WWP2: variants seen among roughly 807,000 people sequenced by gnomAD.
WWP2 encodes the protein NEDD4-like E3 ubiquitin-protein ligase WWP2.
A neutral mutation model predicts 121.0 loss-of-function variants in WWP2; 57 were observed. The observed-to-expected ratio is 0.47, with a 90% CI of 0.38 to 0.59. WWP2 has a LOEUF of 0.59. Ranked by LOEUF, WWP2 falls within the 20% of genes least tolerant of loss-of-function variation. The pLI is 0.00. For synonymous variants in WWP2, 449 were observed against 441.3 expected, an observed-to-expected ratio of 1.02 and a Z score of -0.22; for missense variants, 962 against 1,158.9, an observed-to-expected ratio of 0.83 and a Z score of 2.47.
intron 6 of WWP2, among the ~76,000 whole-genome samples, chr16:69,843,830 C>G (rs889160175): frequency 4.0e-5 from 6 of 151,898 alleles, no homozygotes; most frequent in African/African-American, 1.5e-4. Flanking sequence ...CATCAGGGCA[C>G]TGGGTAACAG....
chr16:69,799,119 C>A lies in WWP2; in HGVS notation c.219-55C>A. On this transcript the variant is annotated intron_variant, in intron 3 of 23. Transcript: ENST00000359154. This position sits in a 1 kb window ranked among gnomAD's most constrained non-coding sequence, Gnocchi z 4.5. Reference sequence around the variant, plus strand: ...AGCAGTTTAGTTTAAATGTTTTCTTCTAAGTTATAGGAATGATCTGCTTGG... The same window carrying A: ...AGCAGTTTAGTTTAAATGTTTTCTTATAAGTTATAGGAATGATCTGCTTGG... The A allele has an allele frequency of 6.4e-7, 1 of 1,562,668 alleles. No homozygotes were observed. The highest frequency in any genetic ancestry group is 1.2e-5 in the South Asian group (1 of 82,850).
chr16:69,929,189 G>A (rs1336230412), intron 11 of WWP2, among the ~76,000 whole-genome samples: 1 of 151,690 alleles, frequency 6.6e-6, no homozygotes, highest in African/African-American at 2.4e-5. Context: ...CCCTCCCTCC[G>A]ACCAATCAAC....
chr16:69,817,593 C>G (rs1185290351), intron 4 of WWP2, among the ~76,000 whole-genome samples: 1 of 147,610 alleles, frequency 6.8e-6, no homozygotes, highest in African/African-American at 2.5e-5. Context: ...CACAGTTTAA[C>G]CAGTCTTTCA....
chr16:69,865,119 G>A (rs1390129573), intron 6 of WWP2, among the ~76,000 whole-genome samples: 4 of 151,746 alleles, frequency 2.6e-5, no homozygotes, highest in East Asian at 3.9e-4. Context: ...GCGTGATCTC[G>A]GCTCACTGTA....
At chr16:69,808,188 C>T (rs1484957613) in intron 4 of WWP2, among the ~76,000 whole-genome samples, 2 of 151,952 alleles carry the variant, frequency 1.3e-5, no homozygotes, top group African/African-American at 4.8e-5. Flanking sequence ...TGAGAACATG[C>T]AGTATGTTTT....
intron 6 of WWP2, among the ~76,000 whole-genome samples, chr16:69,855,267 A>G (rs752397965): frequency 2.6e-5 from 4 of 152,214 alleles, no homozygotes; most frequent in Admixed American, 6.5e-5. Flanking sequence ...TTGAAAATAT[A>G]GTGGAGGTAT....
intron 2 of WWP2, chr16:69,788,190 C>T (rs1444540182): frequency 6.6e-6 from 1 of 152,196 alleles, no homozygotes; most frequent in Non-Finnish European, 1.5e-5. Flanking sequence ...GAGCAAGACC[C>T]CCGTCTCTAA....
At chr16:69,851,796 T>G (rs1286342811) in intron 6 of WWP2, among the ~76,000 whole-genome samples, 7 of 151,548 alleles carry the variant, frequency 4.6e-5, no homozygotes, top group African/African-American at 1.7e-4. Flanking sequence ...CTGGCCAACA[T>G]AGTGAAACCC....
intron 6 of WWP2, among the ~76,000 whole-genome samples, chr16:69,843,035 A>G (rs1048688877): frequency 7.9e-5 from 12 of 152,226 alleles, no homozygotes; most frequent in African/African-American, 2.9e-4. Context: ...AGGCTCCTTG[A>G]TGAAGATTGG....
chr16:69,854,309 C>T (rs971912165), intron 6 of WWP2, among the ~76,000 whole-genome samples: 36 of 152,124 alleles, frequency 2.4e-4, no homozygotes, highest in African/African-American at 8.4e-4. Flanking sequence ...ATGTGGATGG[C>T]GAGGAAAGAG....
At chr16:69,897,781 G>A (rs1261198353) in intron 8 of WWP2, among the ~76,000 whole-genome samples, 1 of 151,930 alleles carries the variant, frequency 6.6e-6, no homozygotes, top group Non-Finnish European at 1.5e-5. Flanking sequence ...GGTGGCGCAT[G>A]CCTGTAGTCC....
At chr16:69,852,051 G>T (rs2057225919) in intron 6 of WWP2, among the ~76,000 whole-genome samples, 1 of 152,032 alleles carries the variant, frequency 6.6e-6, no homozygotes, top group Non-Finnish European at 1.5e-5. Context: ...GAACATGATT[G>T]CTGGGTCATA....
At chr16:69,897,764 C>T (rs1020216413) in intron 8 of WWP2, among the ~76,000 whole-genome samples, 8 of 151,732 alleles carry the variant, frequency 5.3e-5, no homozygotes, top group East Asian at 2.0e-4. Flanking sequence ...AAAAATTAGC[C>T]GGGTGTGGTG....
intron 2 of WWP2, among the ~76,000 whole-genome samples, chr16:69,795,501 G>A (rs141156517): frequency 6.6e-5 from 10 of 152,092 alleles, no homozygotes; most frequent in African/African-American, 1.2e-4. Context: ...GAACATTTTC[G>A]TCATCATGGA....
intron 4 of WWP2, 108 bp from the exon 5 acceptor site, chr16:69,840,018 C>A: frequency 1.3e-6 from 2 of 1,481,540 alleles, no homozygotes; most frequent in Non-Finnish European, 1.8e-6. Flanking sequence ...GTGGAGAAAG[C>A]ATTCCCAGAG....
rs935871715 is a variant in WWP2, at chr16:69,811,126, T to C, written c.340+11831T>C. ...GCATGTTTCATCTGTTCCCACCCAC[T>C]GGCTGCTCTTAATTTCTTTCTACAT... On this transcript the variant is annotated intron_variant, in intron 4 of 23. Coordinates refer to ENST00000359154, the MANE Select transcript of WWP2 (RefSeq NM_001270454.2). Among the ~76,000 whole-genome samples, 4 of 152,154 alleles carry C rather than the reference T, an allele frequency of 2.6e-5. No homozygotes were observed. In the South Asian group the frequency reaches 6.2e-4, roughly 24 times the overall value.
At chr16:69,900,917 A>AT (rs1180305456) in intron 8 of WWP2, among the ~76,000 whole-genome samples, 2 of 152,200 alleles carry the variant, frequency 1.3e-5, no homozygotes, top group Non-Finnish European at 2.9e-5. Flanking sequence ...CTCCCATGCC[A>AT]TCCTGTGTTT....
At chr16:69,851,591 G>T (rs549085728) in intron 6 of WWP2, among the ~76,000 whole-genome samples, 55 of 152,204 alleles carry the variant, frequency 3.6e-4, no homozygotes, top group African/African-American at 1.2e-3. Flanking sequence ...CTCCTCCACA[G>T]TTTATTCATT....
At chr16:69,842,633 G>A (rs1226436281) in intron 6 of WWP2, among the ~76,000 whole-genome samples, 3 of 152,084 alleles carry the variant, frequency 2.0e-5, no homozygotes, top group Admixed American at 6.6e-5. Context: ...TCCACTCTCC[G>A]GCTATATTCA....
Sources: allele counts gnomAD v4.1 joint callset (sites outside exome capture counted in the v4.1 genomes callset), GRCh38; gene constraint gnomAD v4.1.1; non-coding constraint Gnocchi (gnomAD v3.1); transcripts MANE v1.5; gene names NCBI Gene and HGNC (gene_info 2026-07-23, HGNC 2026-07-21).